MTMR12: variants seen among roughly 807,000 people sequenced by gnomAD.
The protein encoded by MTMR12 is myotubularin related protein 12.
A neutral mutation model predicts 96.7 loss-of-function variants in MTMR12; 33 were observed. That is an observed-to-expected ratio of 0.34 (90% confidence interval 0.26 to 0.46). MTMR12 has a LOEUF of 0.46. Ranked by LOEUF, MTMR12 falls within the 20% of genes least tolerant of loss-of-function variation. The pLI, the probability that MTMR12 is intolerant of heterozygous loss-of-function variation, is 1.00. For synonymous variants in MTMR12, 298 were observed against 327.2 expected (o/e 0.91, Z 0.96); for missense variants, 721 against 896.1 (o/e 0.80, Z 2.49).
intron 12 of MTMR12, among the ~76,000 whole-genome samples, chr5:32,240,375 G>C (rs186695263): frequency 1.6e-4 from 24 of 147,740 alleles, no homozygotes; most frequent in African/African-American, 5.8e-4. Context: ...CTCCAGCCTG[G>C]ACAACAGAGG....
rs750020875 is a variant in MTMR12 at position 32,230,013 on chromosome 5, TCCTC to T, written c.2005_2008del (p.Glu669LysfsTer27). Reference sequence around the variant, plus strand: ...GATCTTCTCTTGTAAACTCTGGACTTCCTCCATCATTTCCAAGAGTTTGCTCAGA... The same window carrying T: ...GATCTTCTCTTGTAAACTCTGGACTTCATCATTTCCAAGAGTTTGCTCAGA... On this transcript the variant is annotated frameshift_variant, in exon 16 of 16. Transcript: ENST00000382142. LOFTEE classifies it high-confidence loss of function. 2.5e-6 allele frequency: 4 copies of T among 1,613,592 alleles called. No individual in the cohort carries two copies. The Admixed American group carries it at 5.0e-5, about 20-fold the overall frequency.
rs1052227008 is a variant in MTMR12, at chr5:32,229,894, G to A, written c.2128C>T (p.Leu710=). 6.2e-7 allele frequency: 1 copy of A among 1,613,304 alleles called. No homozygotes were observed. The highest frequency in any genetic ancestry group is 8.5e-7 in the Non-Finnish European group (1 of 1,179,500). The change falls in exon 16 of 16, where the codon CTG becomes TTG. Residue 710 remains leucine (L), a synonymous_variant. Coordinates refer to ENST00000382142, the MANE Select transcript of MTMR12 (RefSeq NM_001040446.3). The part of the protein sequence containing the change: ...ARLSSLFPFA[L]LQRHSSKPVL... ...GGCTTAGAGGAATGTCGCTGGAGCA[G>A]AGCGAAAGGAAACAAAGACGAGAGG...
chr5:32,268,176 G>A (rs1455964962), intron 6 of MTMR12, among the ~76,000 whole-genome samples: 1 of 151,972 alleles, frequency 6.6e-6, no homozygotes, highest in East Asian at 1.9e-4. Context: ...ACAATCCCTT[G>A]CAAAAAGCAA....
chr5:32,263,087 G>T (rs376870527), intron 7 of MTMR12, 26 bp downstream of exon 7: 1 of 1,613,194 alleles, frequency 6.2e-7, no homozygotes, highest in African/African-American at 1.3e-5. Flanking sequence ...GAATTGTACA[G>T]CATGTGCCCA....
rs113505539 is a variant in MTMR12, at chr5:32,278,768, C to T, written c.82-2026G>A. 3.3e-3 allele frequency among the ~76,000 whole-genome samples: 496 copies of T among 152,192 alleles called. 3 individuals are homozygous for T. Among genetic ancestry groups the T allele is most frequent in the Middle Eastern group, 6.8e-3 (2 of 294 alleles). On this transcript the variant is annotated intron_variant, in intron 1 of 15. Coordinates refer to ENST00000382142, the MANE Select transcript of MTMR12 (RefSeq NM_001040446.3). ...AACTATTCCTGCATGTTAAAAGCTA[C>T]GACTGTTTTGGTAATTTAAAAATTC... is the stretch of plus-strand genomic sequence containing the variant.
intron 1 of MTMR12, among the ~76,000 whole-genome samples, chr5:32,306,341 T>C (rs961781624): frequency 7.9e-5 from 12 of 151,946 alleles, no homozygotes; most frequent in Admixed American, 7.9e-4. Context: ...AAGGGGAAAA[T>C]GAGATATGCG....
chr5:32,253,107 T>C (rs566638872), intron 8 of MTMR12, among the ~76,000 whole-genome samples: 33 of 152,344 alleles, frequency 2.2e-4, no homozygotes, highest in Admixed American at 2.1e-3. Context: ...TACCTGGACA[T>C]ATTTGTTGGT....
chr5:32,233,465 C>G lies in MTMR12; in HGVS notation c.1674+308G>C, dbSNP rs866829435. On this transcript the variant is annotated intron_variant, in intron 15 of 15. Coordinates refer to ENST00000382142, the MANE Select transcript of MTMR12 (RefSeq NM_001040446.3). This position sits in a 1 kb window ranked among gnomAD's most constrained non-coding sequence, Gnocchi z 5.0. ...TCCTTTTACTCTACTAACACACACA[C>G]ACACACAAACACACACACACACACA... is the stretch of plus-strand genomic sequence containing the variant. Among the ~76,000 whole-genome samples, 785 of 147,834 alleles carry G rather than the reference C, an allele frequency of 5.3e-3. 12 individuals carry two copies. Among genetic ancestry groups the G allele is most frequent in the African/African-American group, 0.019 (755 of 39,718 alleles).
chr5:32,288,438 C>T (rs1442607412), intron 1 of MTMR12, among the ~76,000 whole-genome samples: 1 of 152,124 alleles, frequency 6.6e-6, no homozygotes, highest in East Asian at 1.9e-4. Context: ...TCAGGAGTCA[C>T]CCCCAACACC....
chr5:32,301,565 CA>C (rs1197415402), intron 1 of MTMR12, among the ~76,000 whole-genome samples: 2 of 152,190 alleles, frequency 1.3e-5, no homozygotes, highest in Non-Finnish European at 2.9e-5. Flanking sequence ...AAACAGGACT[CA>C]TTCACTTCAA....
In MTMR12 at chr5:32,312,691, G is replaced by C. The variant is rs570614860; in HGVS notation, c.81+67C>G. 1.8e-5 allele frequency: 24 copies of C among 1,297,382 alleles called. No individual in the cohort carries two copies. In the Admixed American group the frequency reaches 2.4e-4, roughly 13 times the overall value. 80.4% of individuals were successfully genotyped at this position (1,297,382 alleles called of 1,614,324 possible). Reference sequence around the variant, plus strand: ...CCGCGGCGCTCCCCGCTGCAAGGAAGGGGCTCCCGGCGCCCCTCGCCCCGG... The same window carrying C: ...CCGCGGCGCTCCCCGCTGCAAGGAACGGGCTCCCGGCGCCCCTCGCCCCGG... On this transcript the variant is annotated intron_variant, in intron 1 of 15. Transcript: ENST00000382142. The surrounding 1 kb of genome is among the most constrained non-coding windows in gnomAD (Gnocchi z 5.0).
chr5:32,279,260 A>G (rs1215938377), intron 1 of MTMR12, among the ~76,000 whole-genome samples: 1 of 151,934 alleles, frequency 6.6e-6, no homozygotes, highest in Non-Finnish European at 1.5e-5. Context: ...ACAAACAAAA[A>G]AATTAAAAAA....
chr5:32,228,045 G>C lies in MTMR12; in HGVS notation c.*1733C>G, dbSNP rs1304361518. On this transcript the variant is annotated 3_prime_UTR_variant, in exon 16 of 16. Coordinates refer to ENST00000382142, the MANE Select transcript of MTMR12 (RefSeq NM_001040446.3). ...AGGTCTTGCTCCATCACCCAGGCCG[G>C]AGTGCAGTGGCACGATCTTAGCTCA... 1 of 152,294 alleles carries C rather than the reference G, an allele frequency of 6.6e-6. No homozygotes were observed. Among genetic ancestry groups the C allele is most frequent in the Non-Finnish European group, 1.5e-5 (1 of 68,070 alleles). The allele number at this position is 152,294 out of a possible 1,614,324, so 9.4% of individuals were successfully genotyped here.
chr5:32,248,637 G>C, intron 9 of MTMR12, 135 bp downstream of exon 9: 2 of 643,172 alleles, frequency 3.1e-6, no homozygotes, highest in Non-Finnish European at 5.5e-6. Context: ...AACTCAAAAT[G>C]ATCACTGTTA....
chr5:32,255,686 C>T lies in MTMR12; in HGVS notation c.789+7G>A, dbSNP rs750217414. On this transcript the variant is annotated splice_region_variant and intron_variant, in intron 8 of 15. Transcript: ENST00000382142. ...CCACACCTTTCAGGGTTCCCAGATG[C>T]ACTTACTGGTATGCCATGACCCTGA... is the stretch of plus-strand genomic sequence containing the variant. The T allele has an allele frequency of 6.2e-7, 1 of 1,606,568 alleles. No individual in the cohort carries two copies. Among genetic ancestry groups the T allele is most frequent in the Non-Finnish European group, 8.5e-7 (1 of 1,176,180 alleles).
At chr5:32,262,722 C>G (rs1253685854) in intron 7 of MTMR12, among the ~76,000 whole-genome samples, 1 of 152,138 alleles carries the variant, frequency 6.6e-6, no homozygotes, top group African/African-American at 2.4e-5. Context: ...TGTGCTATAT[C>G]CACATTATGG....
At chr5:32,260,548 C>A (rs1441302172) in intron 7 of MTMR12, among the ~76,000 whole-genome samples, 2 of 151,678 alleles carry the variant, frequency 1.3e-5, no homozygotes, top group African/African-American at 4.8e-5. Flanking sequence ...CTATCATCTC[C>A]TAGGAGCAGG....
intron 12 of MTMR12, among the ~76,000 whole-genome samples, chr5:32,240,091 T>C (rs922478326): frequency 6.6e-6 from 1 of 152,180 alleles, no homozygotes; most frequent in African/African-American, 2.4e-5. Flanking sequence ...GTATCATTGG[T>C]GTTAGAGAAA....
At chr5:32,247,497 G>A (rs1748738212) in intron 10 of MTMR12, among the ~76,000 whole-genome samples, 1 of 152,202 alleles carries the variant, frequency 6.6e-6, no homozygotes, top group Admixed American at 6.5e-5. Context: ...GCAGGAAAAT[G>A]GGGGTAGCTG....
Sources: gnomAD v4.1 joint callset for allele counts (sites outside exome capture counted in the v4.1 genomes callset) on GRCh38, gnomAD v4.1.1 for gene constraint, Gnocchi (gnomAD v3.1) non-coding constraint, MANE v1.5 for transcripts, NCBI Gene and HGNC (gene_info 2026-07-23, HGNC 2026-07-21) for gene names.